Variants in TACR1 observed in about 807,000 individuals in gnomAD.
TACR1 encodes the protein substance-P receptor.
In TACR1, 25 loss-of-function variants were observed where a neutral mutation model predicts 35.8. The ratio of observed to expected loss-of-function variants is 0.70; its 90% CI spans 0.51 to 0.98. TACR1 has a LOEUF of 0.98. TACR1 is among the 50% of genes least tolerant of loss of function. The pLI, the probability that TACR1 is intolerant of heterozygous loss-of-function variation, is 0.00. For missense variants in TACR1, 478 were observed against 522.9 expected (o/e 0.91, Z 0.84); for synonymous variants, 195 against 206.7 (o/e 0.94, Z 0.48).
intron 2 of TACR1, among the ~76,000 whole-genome samples, chr2:75,106,671 A>G (rs1235841532): frequency 2.0e-5 from 3 of 152,012 alleles, no homozygotes; most frequent in Admixed American, 2.0e-4. Context: ...ATAGTTGTCA[A>G]TATAATGCCA....
At chr2:75,152,044 C>T (rs1674686584) in intron 1 of TACR1, among the ~76,000 whole-genome samples, 1 of 152,184 alleles carries the variant, frequency 6.6e-6, no homozygotes, top group South Asian at 2.1e-4. Flanking sequence ...TCTGTACCCC[C>T]ATTGTGTCTA....
intron 2 of TACR1, among the ~76,000 whole-genome samples, chr2:75,120,333 G>A (rs1243624224): frequency 6.6e-6 from 1 of 152,104 alleles, no homozygotes; most frequent in Non-Finnish European, 1.5e-5. Context: ...TGCTATAACA[G>A]GATCTAGATC....
Position 75,120,655 on chromosome 2 carries a change from T to C in TACR1, c.503A>G (p.Tyr168Cys), listed in dbSNP as rs1170694030. ...GCTGGGCATGGTCTCTGTGGTTGAG[T>C]AGTAGCCCTGGGGGAAGGCCAGCAG... ...ALLLAFPQGY[Y>C]STTETMPSRV... Residue 168 changes from tyrosine to cysteine, a missense_variant, in exon 2 of 5, where the codon TAC becomes TGC. Tyr to Cys is a radical substitution (Grantham distance 194). Transcript: ENST00000305249. The C allele has an allele frequency of 6.2e-7, 1 of 1,613,680 alleles. No individual in the cohort carries two copies. The highest frequency in any genetic ancestry group is 1.3e-5 in the African/African-American group (1 of 74,812).
At chr2:75,187,441 G>C (rs1267905084) in intron 1 of TACR1, 1 of 152,104 alleles carries the variant, frequency 6.6e-6, no homozygotes, top group Non-Finnish European at 1.5e-5. Context: ...CCAAACTCTG[G>C]ATACTTCTGT....
chr2:75,158,703 G>A (rs1184383545), intron 1 of TACR1, among the ~76,000 whole-genome samples: 1 of 152,214 alleles, frequency 6.6e-6, no homozygotes, highest in Non-Finnish European at 1.5e-5. Flanking sequence ...GCTGGGACCT[G>A]AAAGCTGAGT....
At chr2:75,153,171 G>A (rs938564964) in intron 1 of TACR1, among the ~76,000 whole-genome samples, 4 of 152,210 alleles carry the variant, frequency 2.6e-5, no homozygotes, top group East Asian at 1.9e-4. Flanking sequence ...AAATTGCTGG[G>A]ATTACAGGCG....
At chr2:75,130,732 C>G (rs1467044752) in intron 1 of TACR1, among the ~76,000 whole-genome samples, 1 of 152,168 alleles carries the variant, frequency 6.6e-6, no homozygotes, top group African/African-American at 2.4e-5. Flanking sequence ...CCTGTGAAAA[C>G]CAAAAGACAC....
At chr2:75,146,175 T>C (rs184938060) in intron 1 of TACR1, among the ~76,000 whole-genome samples, 8 of 152,266 alleles carry the variant, frequency 5.3e-5, no homozygotes, top group Admixed American at 3.9e-4. Flanking sequence ...CAGTCTGGAG[T>C]GCAGTGGCGA....
At chr2:75,090,604 A>G (rs1402999342) in intron 2 of TACR1, among the ~76,000 whole-genome samples, 1 of 152,194 alleles carries the variant, frequency 6.6e-6, no homozygotes, top group Non-Finnish European at 1.5e-5. Context: ...TAGGTAAGAA[A>G]CTAAGTGCAA....
At chr2:75,166,606 GCAAT>G (rs1427997657) in intron 1 of TACR1, among the ~76,000 whole-genome samples, 2 of 152,214 alleles carry the variant, frequency 1.3e-5, no homozygotes, top group Admixed American at 6.5e-5. Flanking sequence ...TCCAGAGATA[GCAAT>G]CAATCTGGCC....
At chr2:75,171,750 C>A (rs1420539109) in intron 1 of TACR1, among the ~76,000 whole-genome samples, 1 of 152,160 alleles carries the variant, frequency 6.6e-6, no homozygotes, top group South Asian at 2.1e-4. Context: ...TTGCATGGGG[C>A]CTGTAGCCCT....
At chr2:75,152,540 C>T (rs1256601073) in intron 1 of TACR1, among the ~76,000 whole-genome samples, 1 of 152,220 alleles carries the variant, frequency 6.6e-6, no homozygotes, top group African/African-American at 2.4e-5. Context: ...AATTAAACTT[C>T]TTTTTCTTCC....
Position 75,199,217 on chromosome 2 carries a change from C to T in TACR1, c.-283G>A. ...GAGACAGCATCTCTCTTGCGGTAAACTGAAAAAGGGAAAGAAATTCCACCG... is the reference window on the plus strand; with the variant it reads ...GAGACAGCATCTCTCTTGCGGTAAATTGAAAAAGGGAAAGAAATTCCACCG... On this transcript the variant is annotated 5_prime_UTR_variant, in exon 1 of 5. Coordinates refer to ENST00000305249, the MANE Select transcript of TACR1 (RefSeq NM_001058.4). 2.6e-6 allele frequency: 1 copy of T among 389,370 alleles called. No homozygotes were observed. 24.1% of individuals were successfully genotyped at this position (389,370 alleles called of 1,614,324 possible).
intron 2 of TACR1, among the ~76,000 whole-genome samples, chr2:75,079,846 A>G (rs1417223875): frequency 6.8e-6 from 1 of 147,862 alleles, no homozygotes; most frequent in African/African-American, 2.5e-5. Context: ...GTTCTGGAGT[A>G]TTGATCCCAT....
chr2:75,193,471 T>C (rs1675898157), intron 1 of TACR1, among the ~76,000 whole-genome samples: 1 of 152,190 alleles, frequency 6.6e-6, no homozygotes, highest in South Asian at 2.1e-4. Flanking sequence ...CTAATCGTTA[T>C]ATTTTCATGT....
At chr2:75,177,176 A>G (rs1466585757) in intron 1 of TACR1, among the ~76,000 whole-genome samples, 1 of 150,370 alleles carries the variant, frequency 6.7e-6, no homozygotes, top group Non-Finnish European at 1.5e-5. Flanking sequence ...CCTCTGAAGC[A>G]CTTGACTACA....
chr2:75,053,554 C>T, intron 3 of TACR1, 51 bp downstream of exon 3: 1 of 1,463,504 alleles, frequency 6.8e-7, no homozygotes, highest in Non-Finnish European at 9.0e-7. Flanking sequence ...CCCTTCTCGA[C>T]AGCCTGTTGT....
At chr2:75,080,319 T>A (rs953860439) in intron 2 of TACR1, among the ~76,000 whole-genome samples, 3 of 152,166 alleles carry the variant, frequency 2.0e-5, no homozygotes, top group Admixed American at 6.5e-5. Flanking sequence ...ACAAAGCACA[T>A]GCATGACAAC....
chr2:75,173,102 C>T (rs1038757622), intron 1 of TACR1, among the ~76,000 whole-genome samples: 2 of 152,088 alleles, frequency 1.3e-5, no homozygotes, highest in African/African-American at 2.4e-5. Context: ...GGACACAATT[C>T]AACCCATAAC....
Sources: gnomAD v4.1 joint callset for allele counts (sites outside exome capture counted in the v4.1 genomes callset) on GRCh38, gnomAD v4.1.1 for gene constraint, MANE v1.5 for transcripts, NCBI Gene and HGNC (gene_info 2026-07-23, HGNC 2026-07-21) for gene names.